ABHD2: variants seen among roughly 807,000 people sequenced by gnomAD.
ABHD2 encodes monoacylglycerol lipase ABHD2.
Under a neutral mutation model 48.1 loss-of-function variants are expected in ABHD2, and 20 were observed. The ratio of observed to expected loss-of-function variants is 0.42; its 90% CI spans 0.29 to 0.60. The LOEUF (loss-of-function observed/expected upper bound fraction) is 0.60, where lower values mean the gene tolerates loss of function less well. ABHD2 is among the 20% of genes least tolerant of loss of function. The pLI, the probability that ABHD2 is intolerant of heterozygous loss-of-function variation, is 0.24. For synonymous variants in ABHD2, 209 were observed against 214.2 expected (o/e 0.98, Z 0.21); for missense variants, 405 against 550.9 (o/e 0.74, Z 2.65).
the ABHD2 span, among the ~76,000 whole-genome samples, chr15:89,052,798 C>T: frequency 6.6e-6 from 1 of 152,096 alleles, no homozygotes; most frequent in African/African-American, 2.4e-5. Context: ...TGGTTTAAGC[C>T]ACAGACCTCT....
the ABHD2 span, among the ~76,000 whole-genome samples, chr15:89,053,449 T>C: frequency 3.3e-5 from 5 of 152,164 alleles, no homozygotes; most frequent in Admixed American, 6.5e-5. Flanking sequence ...GGGACCCTTA[T>C]AGAAACAAAG....
intron 7 of ABHD2, among the ~76,000 whole-genome samples, chr15:89,187,143 C>G (rs1192979569): frequency 2.0e-5 from 3 of 152,242 alleles, no homozygotes; most frequent in South Asian, 2.1e-4. Flanking sequence ...TCCAAGTCCT[C>G]TGTCTGCGTT....
the ABHD2 span, among the ~76,000 whole-genome samples, chr15:89,061,683 C>T: frequency 2.6e-4 from 39 of 152,138 alleles, no homozygotes; most frequent in East Asian, 5.8e-4. Context: ...AGCCATCCTC[C>T]CACCTCAGCC....
chr15:89,053,950 G>A, the ABHD2 span, among the ~76,000 whole-genome samples: 4 of 152,190 alleles, frequency 2.6e-5, no homozygotes, highest in African/African-American at 9.7e-5. Context: ...CAGCACCTGA[G>A]CTGGTCTCTT....
At chr15:89,194,240 A>T (rs2051355628) in intron 10 of ABHD2, among the ~76,000 whole-genome samples, 1 of 152,102 alleles carries the variant, frequency 6.6e-6, no homozygotes, top group Non-Finnish European at 1.5e-5. Context: ...GCTCATGCCT[A>T]TAAATCCCAG....
intron 7 of ABHD2, among the ~76,000 whole-genome samples, chr15:89,187,874 G>A (rs953064716): frequency 2.0e-4 from 30 of 152,140 alleles, no homozygotes; most frequent in Admixed American, 7.2e-4. Context: ...TAAGGACGAC[G>A]CCCCTACGGC....
chr15:89,043,858 C>A, the ABHD2 span, among the ~76,000 whole-genome samples: 1 of 151,274 alleles, frequency 6.6e-6, no homozygotes, highest in Non-Finnish European at 1.5e-5. Context: ...GTTTTGTTCC[C>A]CTCCTCTTTG....
rs2051129992 is a variant in ABHD2 at position 89,182,506 on chromosome 15, C to A, written c.723-2918C>A. 6.6e-6 allele frequency among the ~76,000 whole-genome samples: 1 copy of A among 152,146 alleles called. No individual in the cohort carries two copies. Among genetic ancestry groups the A allele is most frequent in the Non-Finnish European group, 1.5e-5 (1 of 68,032 alleles). ...CAAGTCAAGAACTTGGATATTCAGGCCAGGTGAAGTGCCTCACGCCTGTAA... is the reference window on the plus strand; with the variant it reads ...CAAGTCAAGAACTTGGATATTCAGGACAGGTGAAGTGCCTCACGCCTGTAA... On this transcript the variant is annotated intron_variant, in intron 6 of 10. Transcript: ENST00000352732. This position sits in a 1 kb window ranked among gnomAD's most constrained non-coding sequence, Gnocchi z 4.8.
chr15:89,129,360 C>T (rs1456955427), intron 3 of ABHD2, among the ~76,000 whole-genome samples: 1 of 152,094 alleles, frequency 6.6e-6, no homozygotes, highest in Non-Finnish European at 1.5e-5. Flanking sequence ...AAGAGGGTGT[C>T]AGAAACTCAG....
Position 89,090,868 on chromosome 15 carries a change from G to A in ABHD2, c.-107+2305G>A, listed in dbSNP as rs114889534. Among the ~76,000 whole-genome samples the A allele has an allele frequency of 4.2e-3, 632 of 152,234 alleles. 5 individuals are homozygous for A. Among genetic ancestry groups the A allele is most frequent in the African/African-American group, 0.014 (600 of 41,540 alleles). On this transcript the variant is annotated intron_variant, in intron 1 of 10. Coordinates refer to ENST00000352732, the MANE Select transcript of ABHD2 (RefSeq NM_152924.5). ...TGAGCCACTGTATTAAGTGCTTTTC[G>A]GAAGTTCAGGGATCATGTGTCAACT...
At chr15:89,150,631 A>G (rs2050575708) in intron 3 of ABHD2, among the ~76,000 whole-genome samples, 1 of 152,206 alleles carries the variant, frequency 6.6e-6, no homozygotes, top group African/African-American at 2.4e-5. Flanking sequence ...TTACACACAC[A>G]TACAAGGAGT....
At chr15:89,082,471 T>C (rs117650167), upstream of ABHD2, 4,562 of 152,456 alleles carry the variant, frequency 0.03, 96 homozygotes, top group South Asian at 0.061. The surrounding 1 kb of genome is among the most constrained non-coding windows in gnomAD (Gnocchi z 4.4). Flanking sequence ...ACAAACTATC[T>C]TGTGTTCATC....
rs937532235 is a variant in ABHD2 at position 89,114,978 on chromosome 15, A to G, written c.-7+1154A>G. 2.0e-5 allele frequency among the ~76,000 whole-genome samples: 3 copies of G among 152,194 alleles called. No homozygotes were observed. Among genetic ancestry groups the G allele is most frequent in the African/African-American group, 7.2e-5 (3 of 41,454 alleles). On this transcript the variant is annotated intron_variant, in intron 2 of 10. Coordinates refer to ENST00000352732, the MANE Select transcript of ABHD2 (RefSeq NM_152924.5). This position sits in a 1 kb window ranked among gnomAD's most constrained non-coding sequence, Gnocchi z 4.2. ...TTACTGAATTAGGAATCCCTGCCAG[A>G]GATTTTCTGCCAAAGTGACCTCGAG...
intron 3 of ABHD2, among the ~76,000 whole-genome samples, chr15:89,144,391 C>T (rs1332668714): frequency 6.6e-6 from 1 of 152,116 alleles, no homozygotes; most frequent in Non-Finnish European, 1.5e-5. Context: ...CCTTGGCCTC[C>T]CAAAGTGCTG....
intron 3 of ABHD2, chr15:89,135,552 A>T (rs2050294552): frequency 1.4e-6 from 2 of 1,435,860 alleles, no homozygotes; most frequent in Middle Eastern, 2.4e-4. Context: ...CTTATTCATC[A>T]TCATCTTCAT....
chr15:89,052,554 GACAGACAC>G, the ABHD2 span, among the ~76,000 whole-genome samples: 1 of 118,630 alleles, frequency 8.4e-6, no homozygotes, highest in Admixed American at 8.5e-5. Flanking sequence ...CAGACAGACA[GACAGACAC>G]ACACACACAC....
At chr15:89,147,704 C>G (rs982274583) in intron 3 of ABHD2, among the ~76,000 whole-genome samples, 4 of 151,818 alleles carry the variant, frequency 2.6e-5, no homozygotes, top group African/African-American at 9.7e-5. Context: ...TAACAAAACA[C>G]AACAAAATCT....
At chr15:89,191,482 C>G (rs537012023) in intron 9 of ABHD2, among the ~76,000 whole-genome samples, 1 of 152,084 alleles carries the variant, frequency 6.6e-6, no homozygotes, top group Non-Finnish European at 1.5e-5. Flanking sequence ...GATTTCTTAC[C>G]ATCCGGGACC....
rs2051181463 is a variant in ABHD2, at chr15:89,184,981, G to T, written c.723-443G>T. Reference sequence around the variant, plus strand: ...TACCTCTTGATCAGCAATGACAGAAGATTTTTTAGGTTTTCCCCTCCACAC... The same window carrying T: ...TACCTCTTGATCAGCAATGACAGAATATTTTTTAGGTTTTCCCCTCCACAC... On this transcript the variant is annotated intron_variant, in intron 6 of 10. Coordinates refer to ENST00000352732, the MANE Select transcript of ABHD2 (RefSeq NM_152924.5). The surrounding 1 kb of genome is among the most constrained non-coding windows in gnomAD (Gnocchi z 5.1). Among the ~76,000 whole-genome samples the T allele has an allele frequency of 6.6e-6, 1 of 152,340 alleles. No individual in the cohort carries two copies. The highest frequency in any genetic ancestry group is 6.5e-5 in the Admixed American group (1 of 15,302).
Sources: allele counts gnomAD v4.1 joint callset (sites outside exome capture counted in the v4.1 genomes callset), GRCh38; gene constraint gnomAD v4.1.1; non-coding constraint Gnocchi (gnomAD v3.1); transcripts MANE v1.5; gene names NCBI Gene and HGNC (gene_info 2026-07-23, HGNC 2026-07-21).